The following TENM3 variants were observed in gnomAD, a reference collection of about 807,000 sequenced individuals.
TENM3 encodes the protein teneurin transmembrane protein 3.
In TENM3, 63 loss-of-function variants were observed where a neutral mutation model predicts 255.1. The observed-to-expected ratio is 0.25, with a 90% CI of 0.20 to 0.30. The LOEUF is 0.30. Ranked by LOEUF, TENM3 falls within the 10% of genes least tolerant of loss-of-function variation. TENM3 has a pLI of 1.00. For missense variants in TENM3, 2,929 were observed against 3,461.1 expected (o/e 0.85, Z 3.86); for synonymous variants, 1,306 against 1,322.3 (o/e 0.99, Z 0.27).
the TENM3 span, among the ~76,000 whole-genome samples, chr4:182,108,199 G>A: frequency 3.9e-5 from 6 of 152,034 alleles, no homozygotes; most frequent in South Asian, 2.1e-4. Context: ...CCTACATCTC[G>A]CTCTTACCCA....
chr4:181,802,377 T>C, the TENM3 span, among the ~76,000 whole-genome samples: 3 of 152,220 alleles, frequency 2.0e-5, no homozygotes, highest in Admixed American at 2.0e-4. Context: ...GAATCCGCTG[T>C]AGCCCATAAA....
At chr4:181,777,303 G>A in the TENM3 span, among the ~76,000 whole-genome samples, 31 of 152,114 alleles carry the variant, frequency 2.0e-4, no homozygotes, top group Non-Finnish European at 4.0e-4. Flanking sequence ...TGCTGTTTTG[G>A]TTACTATAGC....
intron 1 of TENM3, among the ~76,000 whole-genome samples, chr4:182,270,960 A>G (rs907885593): frequency 6.6e-6 from 1 of 152,214 alleles, no homozygotes; most frequent in African/African-American, 2.4e-5. Context: ...TGTAAAAATA[A>G]GCGTCACACA....
chr4:182,433,510 G>A (rs1451749721), intron 3 of TENM3, among the ~76,000 whole-genome samples: 1 of 152,194 alleles, frequency 6.6e-6, no homozygotes, highest in Non-Finnish European at 1.5e-5. Context: ...GGGAGGACGA[G>A]AGGAAGGGCA....
At chr4:181,615,677 G>T in the TENM3 span, among the ~76,000 whole-genome samples, 2,857 of 152,266 alleles carry the variant, frequency 0.019, 35 homozygotes, top group East Asian at 0.037. Context: ...TGCTTAGAGA[G>T]AATTTTTCCA....
intron 3 of TENM3, among the ~76,000 whole-genome samples, chr4:182,354,493 C>T (rs952621652): frequency 6.6e-6 from 1 of 152,100 alleles, no homozygotes; most frequent in African/African-American, 2.4e-5. Context: ...TTTGCCATTC[C>T]GTGAGCACTC....
At chr4:181,774,787 ATG>A in the TENM3 span, among the ~76,000 whole-genome samples, 1 of 91,928 alleles carries the variant, frequency 1.1e-5, no homozygotes. Flanking sequence ...GCATTTCTTC[ATG>A]TGTTTTTTGG....
the TENM3 span, among the ~76,000 whole-genome samples, chr4:181,847,880 G>T: frequency 3.9e-5 from 6 of 151,980 alleles, no homozygotes; most frequent in Admixed American, 1.3e-4. Context: ...AAGTCAAAAA[G>T]TTGTATTCCA....
At chr4:182,160,980 A>G (rs1213206959) in intron 1 of TENM3, among the ~76,000 whole-genome samples, 1 of 152,128 alleles carries the variant, frequency 6.6e-6, no homozygotes, top group Non-Finnish European at 1.5e-5. Context: ...ATCTAAAAAT[A>G]TTAAAAATAT....
the TENM3 span, among the ~76,000 whole-genome samples, chr4:181,705,887 G>T: frequency 6.6e-6 from 1 of 152,144 alleles, no homozygotes; most frequent in Admixed American, 6.6e-5. Context: ...CTACACTATC[G>T]TGTACTGGTT....
At chr4:182,777,543 A>ATTT (rs1561238758) in intron 24 of TENM3, among the ~76,000 whole-genome samples, 20 of 34,862 alleles carry the variant, frequency 5.7e-4, no homozygotes, top group African/African-American at 1.4e-3. Flanking sequence ...GTGTGTGTGT[A>ATTT]TTTCTTTTTT....
intron 3 of TENM3, among the ~76,000 whole-genome samples, chr4:182,486,115 A>G (rs1181868189): frequency 6.6e-6 from 1 of 152,120 alleles, no homozygotes; most frequent in Non-Finnish European, 1.5e-5. Context: ...ATCAGAGTGC[A>G]GGTGTGGAAG....
At chr4:182,133,327 A>T in the TENM3 span, among the ~76,000 whole-genome samples, 1 of 152,162 alleles carries the variant, frequency 6.6e-6, no homozygotes, top group Non-Finnish European at 1.5e-5. Flanking sequence ...CCATCCTAGA[A>T]ATAGCATGGG....
the TENM3 span, among the ~76,000 whole-genome samples, chr4:181,840,591 G>A: frequency 2.6e-5 from 4 of 152,046 alleles, no homozygotes; most frequent in Admixed American, 1.3e-4. Flanking sequence ...ACTAGGGTAC[G>A]TTTCCAACCT....
the TENM3 span, among the ~76,000 whole-genome samples, chr4:181,963,960 T>C: frequency 6.6e-6 from 1 of 152,106 alleles, no homozygotes; most frequent in African/African-American, 2.4e-5. Context: ...TATGGGATGT[T>C]TTATACTTGA....
At chr4:181,847,974 T>C in the TENM3 span, among the ~76,000 whole-genome samples, 6 of 152,326 alleles carry the variant, frequency 3.9e-5, no homozygotes, top group Admixed American at 6.5e-5. Flanking sequence ...AGAAATATTA[T>C]TTGAAACTGA....
chr4:182,653,644 T>G, intron 5 of TENM3, 127 bp from the exon 6 acceptor site: 2 of 1,037,566 alleles, frequency 1.9e-6, no homozygotes, highest in South Asian at 3.8e-5. Flanking sequence ...ATTGCGCAGT[T>G]ATCCTTGGTA....
At chr4:182,779,709 C>T (rs1765009105) in intron 24 of TENM3, among the ~76,000 whole-genome samples, 1 of 151,936 alleles carries the variant, frequency 6.6e-6, no homozygotes, top group African/African-American at 2.4e-5. Context: ...TCCACATCCT[C>T]TCCAGCACCT....
chr4:182,385,262 CT>C lies in TENM3; in HGVS notation c.511+38353del, dbSNP rs397762118. Among the ~76,000 whole-genome samples the C allele has an allele frequency of 7.4e-3, 831 of 112,090 alleles. 8 individuals are homozygous for C. Among genetic ancestry groups the C allele is most frequent in the African/African-American group, 0.027 (785 of 29,078 alleles). 73.5% of individuals were successfully genotyped at this position (112,090 alleles called of 152,430 possible). ...GGGAAAAGGAAGTTTTATTGTGCGT[CT>C]TTTTTTTTTTTTTTTTTTTGAGACG... On this transcript the variant is annotated intron_variant, in intron 3 of 27. Transcript: ENST00000511685.
Sources: allele counts gnomAD v4.1 joint callset (sites outside exome capture counted in the v4.1 genomes callset), GRCh38; gene constraint gnomAD v4.1.1; transcripts MANE v1.5; gene names NCBI Gene and HGNC (gene_info 2026-07-23, HGNC 2026-07-21).